Variants in MOB1B observed in about 807,000 individuals in gnomAD.
MOB1B encodes the protein MOB kinase activator 1B, also known as MOB1 Mps One Binder homolog B.
MOB1B carries 19 observed loss-of-function variants against 24.4 expected under a neutral mutation model. That is an observed-to-expected ratio of 0.78 (90% confidence interval 0.54 to 1.14). The LOEUF is 1.14. MOB1B is among the 50% of genes most tolerant of loss of function. MOB1B has a pLI of 0.00. For missense variants in MOB1B, 243 were observed against 259.6 expected (o/e 0.94, Z 0.44); for synonymous variants, 76 against 82.1 (o/e 0.93, Z 0.40).
At chr4:70,967,045 A>T (rs1228048704) in intron 2 of MOB1B, among the ~76,000 whole-genome samples, 1 of 152,158 alleles carries the variant, frequency 6.6e-6, no homozygotes, top group Non-Finnish European at 1.5e-5. Context: ...TATTTGCAGA[A>T]TAGCTATAAC....
chr4:70,962,865 A>G (rs1738360682), intron 2 of MOB1B, among the ~76,000 whole-genome samples: 1 of 151,984 alleles, frequency 6.6e-6, no homozygotes. Context: ...TTAGCCAGGC[A>G]TGGTGGTGTA....
intron 1 of MOB1B, among the ~76,000 whole-genome samples, chr4:70,957,737 C>G (rs1738126163): frequency 6.6e-6 from 1 of 151,090 alleles, no homozygotes; most frequent in Middle Eastern, 3.2e-3. Flanking sequence ...AGTCACCACA[C>G]TCAGCTCCCT....
chr4:70,931,740 A>G (rs578042730), intron 1 of MOB1B, among the ~76,000 whole-genome samples: 2 of 152,238 alleles, frequency 1.3e-5, no homozygotes, highest in African/African-American at 4.8e-5. Context: ...CATTAAGACA[A>G]TTTTCCACCT....
intron 1 of MOB1B, among the ~76,000 whole-genome samples, chr4:70,904,493 G>A (rs1366190232): frequency 6.6e-6 from 1 of 151,872 alleles, no homozygotes; most frequent in Non-Finnish European, 1.5e-5. Flanking sequence ...AGTCGCGGTG[G>A]CTCATGCCTG....
chr4:70,962,600 A>G (rs1560658454), intron 2 of MOB1B, among the ~76,000 whole-genome samples: 1 of 152,216 alleles, frequency 6.6e-6, no homozygotes, highest in African/African-American at 2.4e-5. Context: ...CTAGGAAAAA[A>G]AAAACAGGAG....
chr4:70,950,996 T>G (rs1425774225), intron 1 of MOB1B, among the ~76,000 whole-genome samples: 1 of 152,194 alleles, frequency 6.6e-6, no homozygotes, highest in Non-Finnish European at 1.5e-5. Context: ...ATAACTCACT[T>G]AACCTTGAAG....
At chr4:70,911,832 A>G (rs1387524134) in intron 1 of MOB1B, among the ~76,000 whole-genome samples, 1 of 152,076 alleles carries the variant, frequency 6.6e-6, no homozygotes, top group Non-Finnish European at 1.5e-5. Flanking sequence ...TCCTGTAGAG[A>G]ACTTTAACTC....
At chr4:70,926,422 A>G (rs1176087364) in intron 1 of MOB1B, among the ~76,000 whole-genome samples, 1 of 152,058 alleles carries the variant, frequency 6.6e-6, no homozygotes, top group Non-Finnish European at 1.5e-5. Flanking sequence ...TGCCTACTGG[A>G]GGGTAACGAA....
At position 70,935,847 on chromosome 4, in the gene MOB1B, A is replaced by ATTTTTTTTTT. The variant is rs11395356; in HGVS notation, c.15-23014_15-23005dup. On this transcript the variant is annotated intron_variant, in intron 1 of 5. Coordinates refer to ENST00000309395, the MANE Select transcript of MOB1B (RefSeq NM_173468.4). ...GTGTACCACCATGCCTGGTACACTA[A>ATTTTTTTTTT]TTTTTTTTTTTTTTTTTTTTTTGAG... 9.4e-4 allele frequency among the ~76,000 whole-genome samples: 94 copies of ATTTTTTTTTT among 100,374 alleles called. 1 individual carries two copies. The highest frequency in any genetic ancestry group is 3.7e-3 in the African/African-American group (90 of 24,448). 65.8% of individuals were successfully genotyped at this position (100,374 alleles called of 152,430 possible). A position where few individuals can be genotyped will look rare whatever the true frequency, so the allele number is the denominator to read the frequency against.
upstream of MOB1B, chr4:70,902,363 C>A: frequency 1.4e-6 from 1 of 704,072 alleles, no homozygotes; most frequent in Non-Finnish European, 2.6e-6. Flanking sequence ...GCCCCCTCCC[C>A]CTGCCATTGG....
intron 3 of MOB1B, among the ~76,000 whole-genome samples, chr4:70,972,329 C>G (rs983809500): frequency 6.6e-6 from 1 of 151,964 alleles, no homozygotes; most frequent in Non-Finnish European, 1.5e-5. Context: ...TCTTCCCTGC[C>G]TCAACCTCTT....
rs150679825 is a variant in MOB1B, at chr4:70,912,989, T to G, written c.14+10439T>G. Among the ~76,000 whole-genome samples the G allele has an allele frequency of 1.2e-3, 181 of 152,284 alleles. 1 individual carries two copies. The Middle Eastern group carries it at 0.027, about 23-fold the overall frequency. ...CCAGGCAGGTCTTGAACTTCTGGGC[T>G]CAAGCAATTTGCCCGGCCTTGGCCT... On this transcript the variant is annotated intron_variant, in intron 1 of 5. Transcript: ENST00000309395.
intron 4 of MOB1B, among the ~76,000 whole-genome samples, chr4:70,978,846 G>GTT (rs547999977): frequency 6.6e-6 from 1 of 151,502 alleles, no homozygotes; most frequent in East Asian, 1.9e-4. Context: ...TACCATCTTG[G>GTT]GTGTGTGTGT....
At chr4:70,928,000 C>T (rs894009770) in intron 1 of MOB1B, among the ~76,000 whole-genome samples, 1 of 152,128 alleles carries the variant, frequency 6.6e-6, no homozygotes, top group Non-Finnish European at 1.5e-5. Context: ...AAATGCCGTT[C>T]CTGTTATTCT....
In MOB1B at chr4:70,987,947, A is replaced by G. The variant is rs1739435266; in HGVS notation, c.*5890A>G. The G allele has an allele frequency of 6.6e-6, 1 of 152,630 alleles. No individual in the cohort carries two copies. The highest frequency in any genetic ancestry group is 1.5e-5 in the Non-Finnish European group (1 of 68,024). 9.5% of individuals were successfully genotyped at this position (152,630 alleles called of 1,614,324 possible). A position where few individuals can be genotyped will look rare whatever the true frequency, so the allele number is the denominator to read the frequency against. ...AACTGTGCCGGATTATGCAAATTGT[A>G]GTTGTTACTGATCAAAGTTTAATTG... is the stretch of plus-strand genomic sequence containing the variant. On this transcript the variant is annotated 3_prime_UTR_variant, in exon 6 of 6. Coordinates refer to ENST00000309395, the MANE Select transcript of MOB1B (RefSeq NM_173468.4).
chr4:70,919,443 A>G (rs1391777833), intron 1 of MOB1B, among the ~76,000 whole-genome samples: 1 of 152,156 alleles, frequency 6.6e-6, no homozygotes, highest in Non-Finnish European at 1.5e-5. Context: ...ATAACCTTTT[A>G]CCAAAAAAAC....
intron 1 of MOB1B, among the ~76,000 whole-genome samples, chr4:70,936,501 C>G (rs926584442): frequency 6.6e-6 from 1 of 152,134 alleles, no homozygotes; most frequent in Admixed American, 6.5e-5. Flanking sequence ...GGCACCGTGC[C>G]TGGCTCATTC....
In MOB1B at chr4:70,979,191, T is replaced by C; in HGVS notation, c.473T>C (p.Val158Ala). ...ACTATACTCAAACGCCTCTTTAGGG[T>C]TTATGCTCACATTTATCATCAGCAT... is the stretch of plus-strand genomic sequence containing the variant. Reference protein sequence around the residue: ...AKTILKRLFRVYAHIYHQHFD... With the variant: ...AKTILKRLFRAYAHIYHQHFD... Residue 158 changes from valine (V) to alanine (A), a missense_variant, in exon 5 of 6, where the codon GTT becomes GCT. Val to Ala is a moderately conservative substitution (Grantham distance 64). Transcript: ENST00000309395. 6.2e-7 allele frequency: 1 copy of C among 1,613,828 alleles called. No homozygotes were observed. The highest frequency in any genetic ancestry group is 8.5e-7 in the Non-Finnish European group (1 of 1,179,794).
Position 70,984,645 on chromosome 4 carries a change from A to G in MOB1B, c.*2588A>G, listed in dbSNP as rs1048201249. 6 of 152,212 alleles carry G rather than the reference A, an allele frequency of 3.9e-5. No homozygotes were observed. Among genetic ancestry groups the G allele is most frequent in the African/African-American group, 1.2e-4 (5 of 41,460 alleles). 9.4% of individuals were successfully genotyped at this position (152,212 alleles called of 1,614,324 possible). On this transcript the variant is annotated 3_prime_UTR_variant, in exon 6 of 6. Transcript: ENST00000309395. ...TAAAGTAGTAAGTTAACATAGTATT[A>G]TTGTCACACACAATGCTTTTTTTGG...
Sources: gnomAD v4.1 joint callset for allele counts (sites outside exome capture counted in the v4.1 genomes callset) on GRCh38, gnomAD v4.1.1 for gene constraint, MANE v1.5 for transcripts, NCBI Gene and HGNC (gene_info 2026-07-23, HGNC 2026-07-21) for gene names.